IMMP2L: variants seen among roughly 807,000 people sequenced by gnomAD.
IMMP2L encodes the protein inner mitochondrial membrane peptidase subunit 2, also known as mitochondrial inner membrane protease subunit 2.
Under a neutral mutation model 19.3 loss-of-function variants are expected in IMMP2L, and 18 were observed. That is an observed-to-expected ratio of 0.93 (90% CI 0.64 to 1.38). The LOEUF (loss-of-function observed/expected upper bound fraction) is 1.38, where lower values mean the gene tolerates loss of function less well. IMMP2L is among the 40% of genes most tolerant of loss of function. The pLI, the probability that IMMP2L is intolerant of heterozygous loss-of-function variation, is 0.00. For missense variants in IMMP2L, 233 were observed against 218.2 expected (o/e 1.07, Z -0.43); for synonymous variants, 76 against 73.0 (o/e 1.04, Z -0.21).
intron 3 of IMMP2L, among the ~76,000 whole-genome samples, chr7:111,172,964 T>G (rs538413990): frequency 7.9e-5 from 12 of 151,766 alleles, no homozygotes; most frequent in Middle Eastern, 3.4e-3. Flanking sequence ...ATTTTCTGTA[T>G]GGCAAAGAGA....
chr7:111,533,664 T>C (rs1847611447), intron 1 of IMMP2L, among the ~76,000 whole-genome samples: 1 of 152,034 alleles, frequency 6.6e-6, no homozygotes. Flanking sequence ...GAGAATAAAA[T>C]CAAAGCTAGA....
chr7:110,720,493 T>A (rs1562936209), intron 5 of IMMP2L, among the ~76,000 whole-genome samples: 1 of 152,202 alleles, frequency 6.6e-6, no homozygotes, highest in Non-Finnish European at 1.5e-5. Context: ...GTCATAACTT[T>A]GTGAGGTTTG....
chr7:111,308,127 A>G (rs1181854463), intron 3 of IMMP2L, among the ~76,000 whole-genome samples: 2 of 151,926 alleles, frequency 1.3e-5, no homozygotes, highest in Non-Finnish European at 2.9e-5. Flanking sequence ...ATTTGCTTCA[A>G]TCAACCAACA....
intron 5 of IMMP2L, among the ~76,000 whole-genome samples, chr7:110,751,759 G>A (rs1025137237): frequency 1.3e-5 from 2 of 151,898 alleles, no homozygotes; most frequent in African/African-American, 4.8e-5. Context: ...ATGGCTTTCT[G>A]ATCATGTGTA....
chr7:110,798,576 G>GA (rs1801023753), intron 5 of IMMP2L, among the ~76,000 whole-genome samples: 1 of 151,974 alleles, frequency 6.6e-6, no homozygotes, highest in African/African-American at 2.4e-5. Context: ...TCTAGTTCTA[G>GA]AAAAACGTTA....
At chr7:110,704,955 CCT>C (rs1465877736) in intron 5 of IMMP2L, among the ~76,000 whole-genome samples, 3 of 152,048 alleles carry the variant, frequency 2.0e-5, no homozygotes, top group Non-Finnish European at 4.4e-5. Flanking sequence ...GATGAAATCA[CCT>C]CTGTTTGAAA....
intron 3 of IMMP2L, among the ~76,000 whole-genome samples, chr7:111,403,879 G>C (rs1340508922): frequency 6.6e-6 from 1 of 151,878 alleles, no homozygotes; most frequent in Non-Finnish European, 1.5e-5. Context: ...AATAATATTG[G>C]GGCAAAATTA....
chr7:111,487,065 A>G (rs1417899140), intron 3 of IMMP2L, among the ~76,000 whole-genome samples, 173 bp downstream of exon 3: 1 of 152,164 alleles, frequency 6.6e-6, no homozygotes, highest in Non-Finnish European at 1.5e-5. Flanking sequence ...AATGCAAAAA[A>G]TTCTTTTTAT....
intron 3 of IMMP2L, among the ~76,000 whole-genome samples, chr7:111,081,398 G>T (rs896428490): frequency 2.6e-5 from 4 of 152,158 alleles, no homozygotes; most frequent in African/African-American, 9.7e-5. Context: ...ATCCATGAAA[G>T]AAATAAACTT....
chr7:110,910,305 G>C (rs943824203), intron 4 of IMMP2L, among the ~76,000 whole-genome samples: 4 of 152,160 alleles, frequency 2.6e-5, no homozygotes, highest in African/African-American at 7.2e-5. Context: ...TTCCTCTCTT[G>C]ATAGCTGAGA....
At chr7:111,077,516 T>A (rs1296270693) in intron 3 of IMMP2L, among the ~76,000 whole-genome samples, 1 of 152,160 alleles carries the variant, frequency 6.6e-6, no homozygotes, top group Non-Finnish European at 1.5e-5. Context: ...TCTTTATAGG[T>A]CTGGGTTTAA....
chr7:110,773,975 T>A (rs1799212439), intron 5 of IMMP2L, among the ~76,000 whole-genome samples: 1 of 152,058 alleles, frequency 6.6e-6, no homozygotes, highest in South Asian at 2.1e-4. Context: ...AGACATATTT[T>A]CTTTCTGTAT....
intron 3 of IMMP2L, among the ~76,000 whole-genome samples, chr7:111,437,829 G>T (rs754532824): frequency 1.6e-4 from 25 of 151,824 alleles, no homozygotes; most frequent in Non-Finnish European, 3.4e-4. Context: ...TTTTACACAT[G>T]TGAATATCAT....
intron 3 of IMMP2L, among the ~76,000 whole-genome samples, chr7:111,467,475 A>G (rs1236092137): frequency 6.6e-6 from 1 of 152,076 alleles, no homozygotes; most frequent in East Asian, 1.9e-4. Context: ...CACTGCTCAT[A>G]CTCACTTAAG....
Position 111,454,184 on chromosome 7 carries a change from G to A in IMMP2L, c.239+33054C>T, listed in dbSNP as rs756459933. Among the ~76,000 whole-genome samples, 96 of 152,188 alleles carry A rather than the reference G, an allele frequency of 6.3e-4. 2 individuals carry two copies. The highest frequency in any genetic ancestry group is 6.8e-3 in the Middle Eastern group (2 of 294). ...GTCTTGCTTTGTCAGCTAGGCTGGA[G>A]TGCAGTGATGCGATCGCAACTAACT... On this transcript the variant is annotated intron_variant, in intron 3 of 5. Coordinates refer to ENST00000405709, the MANE Select transcript of IMMP2L (RefSeq NM_032549.4).
chr7:111,167,656 T>C (rs989736952), intron 3 of IMMP2L, among the ~76,000 whole-genome samples: 1 of 151,920 alleles, frequency 6.6e-6, no homozygotes, highest in African/African-American at 2.4e-5. Context: ...CACCGGGATA[T>C]AATATAAGGG....
chr7:110,690,041 C>G (rs1409537464), intron 5 of IMMP2L, among the ~76,000 whole-genome samples: 4 of 152,164 alleles, frequency 2.6e-5, no homozygotes, highest in Non-Finnish European at 5.9e-5. Context: ...TTCCTTGTAT[C>G]TTGGGGAAAG....
rs981506799 is a variant in IMMP2L, at chr7:111,562,206, A to T, written c.-358T>A. On this transcript the variant is annotated 5_prime_UTR_variant, in exon 1 of 6. Transcript: ENST00000405709. ...CTAGTTAGCCAGTGGCACCAAGAAGAGGACTAGGCTGGGGTGGCCGCCGCA... is the reference window on the plus strand; with the variant it reads ...CTAGTTAGCCAGTGGCACCAAGAAGTGGACTAGGCTGGGGTGGCCGCCGCA... 6.6e-6 allele frequency: 1 copy of T among 152,184 alleles called. No homozygotes were observed. Among genetic ancestry groups the T allele is most frequent in the Non-Finnish European group, 1.5e-5 (1 of 68,064 alleles). The allele number at this position is 152,184 out of a possible 1,614,324, so 9.4% of individuals were successfully genotyped here. A position where few individuals can be genotyped will look rare whatever the true frequency, so the allele number is the denominator to read the frequency against.
At chr7:111,152,907 C>G (rs1253317394) in intron 3 of IMMP2L, among the ~76,000 whole-genome samples, 1 of 151,956 alleles carries the variant, frequency 6.6e-6, no homozygotes, top group African/African-American at 2.4e-5. Flanking sequence ...TAGTGGATAG[C>G]TGTATATAAA....
Sources: allele counts gnomAD v4.1 joint callset (sites outside exome capture counted in the v4.1 genomes callset), GRCh38; gene constraint gnomAD v4.1.1; transcripts MANE v1.5; gene names NCBI Gene and HGNC (gene_info 2026-07-23, HGNC 2026-07-21).